Variants in APBB2 observed in about 807,000 individuals in gnomAD.
APBB2 encodes amyloid beta precursor protein binding family B member 2.
In APBB2, 38 loss-of-function variants were observed where a neutral mutation model predicts 82.5. That is an observed-to-expected ratio of 0.46 (90% CI 0.36 to 0.60). The LOEUF (loss-of-function observed/expected upper bound fraction) is 0.60. APBB2 is among the 20% of genes least tolerant of loss of function. APBB2 has a pLI of 0.00. For missense variants in APBB2, 772 were observed against 972.3 expected (o/e 0.79, Z 2.74); for synonymous variants, 341 against 368.2 (o/e 0.93, Z 0.85).
chr4:41,146,084 G>A (rs533281635), intron 1 of APBB2, among the ~76,000 whole-genome samples: 3 of 151,990 alleles, frequency 2.0e-5, no homozygotes, highest in Non-Finnish European at 2.9e-5. Flanking sequence ...CTAGCACTCT[G>A]GGAGGCTGAA....
At chr4:41,155,226 C>G (rs1763156222) in intron 1 of APBB2, among the ~76,000 whole-genome samples, 1 of 152,132 alleles carries the variant, frequency 6.6e-6, no homozygotes, top group Admixed American at 6.5e-5. Flanking sequence ...TTCCAGGATT[C>G]TTATTTGGAA....
intron 4 of APBB2, among the ~76,000 whole-genome samples, chr4:41,041,030 A>C (rs557843802): frequency 6.6e-6 from 1 of 152,022 alleles, no homozygotes; most frequent in East Asian, 1.9e-4. Context: ...ACAAGCGCCC[A>C]CCACCACACC....
In APBB2 at chr4:41,006,763, G is replaced by C. The variant is rs73136424; in HGVS notation, c.835+6820C>G. Among the ~76,000 whole-genome samples the C allele has an allele frequency of 9.4e-3, 1,435 of 152,278 alleles. 29 individuals are homozygous for C. The highest frequency in any genetic ancestry group is 0.033 in the African/African-American group (1,366 of 41,538). ...TTACAGGTGTGAGCCACCGCGCCCA[G>C]CCATGGGCCTAGTATTTGTAAGAAA... On this transcript the variant is annotated intron_variant, in intron 6 of 17. Coordinates refer to ENST00000508593, the MANE Select transcript of APBB2 (RefSeq NM_004307.2).
At chr4:40,912,144 T>C (rs528557665) in intron 10 of APBB2, among the ~76,000 whole-genome samples, 2 of 152,206 alleles carry the variant, frequency 1.3e-5, no homozygotes, top group East Asian at 3.9e-4. Flanking sequence ...TATGGAAGAG[T>C]GGGATGGGAA....
At chr4:40,890,703 C>A in intron 11 of APBB2, 1 of 503,996 alleles carries the variant, frequency 2.0e-6, no homozygotes, top group Non-Finnish European at 3.4e-6. Flanking sequence ...CTCTCCGAGT[C>A]CTCTGAAATG....
At chr4:40,921,700 G>A (rs543296118) in intron 10 of APBB2, among the ~76,000 whole-genome samples, 8 of 152,290 alleles carry the variant, frequency 5.3e-5, no homozygotes, top group Non-Finnish European at 7.3e-5. Context: ...CTACAAATAC[G>A]CTCTAGGTTG....
chr4:41,072,508 T>C (rs1412975522), intron 3 of APBB2, among the ~76,000 whole-genome samples: 1 of 151,214 alleles, frequency 6.6e-6, no homozygotes, highest in Non-Finnish European at 1.5e-5. Flanking sequence ...AATAATGAAG[T>C]GTAAGAGAAC....
At chr4:41,198,640 A>T in intron 1 of APBB2, among the ~76,000 whole-genome samples, 1 of 152,188 alleles carries the variant, frequency 6.6e-6, no homozygotes, top group South Asian at 2.1e-4. Context: ...AGGCTTGTGG[A>T]TTAAGTGTCC....
chr4:40,909,582 T>C (rs1777997467), intron 10 of APBB2, among the ~76,000 whole-genome samples: 1 of 152,202 alleles, frequency 6.6e-6, no homozygotes, highest in African/African-American at 2.4e-5. Flanking sequence ...CCTATTTTTA[T>C]CAATGGAAAA....
chr4:41,084,193 G>A (rs914024031), intron 3 of APBB2, among the ~76,000 whole-genome samples: 1 of 152,204 alleles, frequency 6.6e-6, no homozygotes, highest in Non-Finnish European at 1.5e-5. Context: ...AGAAGGCCGA[G>A]ACAGGCGGAT....
At chr4:40,917,680 A>G (rs1333230768) in intron 10 of APBB2, among the ~76,000 whole-genome samples, 3 of 152,238 alleles carry the variant, frequency 2.0e-5, no homozygotes, top group Non-Finnish European at 2.9e-5. Context: ...GGAATGGGTT[A>G]TCTTAAAGTA....
intron 6 of APBB2, among the ~76,000 whole-genome samples, chr4:40,946,759 G>A (rs1031609039): frequency 2.6e-5 from 4 of 152,152 alleles, no homozygotes; most frequent in African/African-American, 7.2e-5. Context: ...TGTTTCCTAT[G>A]TGGCCATACA....
chr4:40,890,224 C>T, intron 12 of APBB2, 140 bp downstream of exon 12: 1 of 1,191,280 alleles, frequency 8.4e-7, no homozygotes, highest in Non-Finnish European at 1.1e-6. Flanking sequence ...GAACTAGAGA[C>T]AAGCTTTCAT....
intron 1 of APBB2, among the ~76,000 whole-genome samples, chr4:41,155,354 AAC>A (rs1400762778): frequency 1.3e-5 from 2 of 152,262 alleles, no homozygotes; most frequent in African/African-American, 2.4e-5. Flanking sequence ...GTTTAAAAAT[AAC>A]ACAGTGACCA....
intron 6 of APBB2, among the ~76,000 whole-genome samples, chr4:40,970,774 G>C (rs1447134078): frequency 6.6e-6 from 1 of 152,064 alleles, no homozygotes; most frequent in Non-Finnish European, 1.5e-5. Context: ...CACTGCCCTC[G>C]TTTCCTGGAA....
intron 5 of APBB2, among the ~76,000 whole-genome samples, chr4:41,020,300 A>C (rs1811138478): frequency 6.6e-6 from 1 of 152,190 alleles, no homozygotes; most frequent in East Asian, 1.9e-4. Flanking sequence ...ATCTTAACTA[A>C]TTACCATACA....
At chr4:40,983,018 C>A (rs1799516245) in intron 6 of APBB2, among the ~76,000 whole-genome samples, 1 of 152,132 alleles carries the variant, frequency 6.6e-6, no homozygotes, top group South Asian at 2.1e-4. Context: ...ATGGGGGACC[C>A]ATTACCTAGA....
rs1043468684 is a variant in APBB2, at chr4:41,119,796, C to G, written c.-260-19046G>C. 2.0e-5 allele frequency among the ~76,000 whole-genome samples: 3 copies of G among 152,120 alleles called. No individual in the cohort carries two copies. The East Asian group carries it at 5.8e-4, about 29-fold the overall frequency. ...AAGTCTACCACATATAAAAACCTTC[C>G]TATGTGGAGCTGGCCTAAGAAATCA... On this transcript the variant is annotated intron_variant, in intron 2 of 17. Coordinates refer to ENST00000508593, the MANE Select transcript of APBB2 (RefSeq NM_004307.2).
chr4:40,915,079 A>T (rs947150338), intron 10 of APBB2, among the ~76,000 whole-genome samples: 5 of 152,204 alleles, frequency 3.3e-5, no homozygotes, highest in African/African-American at 1.2e-4. Context: ...AATACCTCTC[A>T]AACACTTTAT....
Sources: allele counts gnomAD v4.1 joint callset (sites outside exome capture counted in the v4.1 genomes callset), GRCh38; gene constraint gnomAD v4.1.1; transcripts MANE v1.5; gene names NCBI Gene and HGNC (gene_info 2026-07-23, HGNC 2026-07-21).